The following SIDT1 variants were observed in gnomAD, a reference collection of about 807,000 sequenced individuals.
SIDT1 encodes the protein SID1 transmembrane family member 1, also known as SID1 transmembrane family, member 1.
SIDT1 carries 101 observed loss-of-function variants against 107.5 expected under a neutral mutation model. The ratio of observed to expected loss-of-function variants is 0.94; its 90% CI spans 0.80 to 1.11. The LOEUF is 1.11. SIDT1 is among the 50% of genes least tolerant of loss of function. The pLI is 0.00. For missense variants in SIDT1, 1,076 were observed against 1,058.2 expected (o/e 1.02, Z -0.23); for synonymous variants, 395 against 398.2 (o/e 0.99, Z 0.10).
chr3:113,627,676 G>A lies in SIDT1; in HGVS notation c.2452G>A (p.Val818Met). Residue 818 changes from valine to methionine, a missense_variant, in exon 25 of 25, where the codon GTG becomes ATG. Physicochemically the swap from Val to Met is conservative, Grantham distance 21. Coordinates refer to ENST00000264852, the MANE Select transcript of SIDT1 (RefSeq NM_017699.3). Reference sequence around the variant, plus strand: ...GTTAACTTTGGATGATGACCTTGATGTGGTTCGGAGAGACCAGATCCCTGT... The same window carrying A: ...GTTAACTTTGGATGATGACCTTGATATGGTTCGGAGAGACCAGATCCCTGT... ...VLLTLDDDLD[V>M]VRRDQIPVF 1.2e-6 allele frequency: 2 copies of A among 1,613,910 alleles called. No individual in the cohort carries two copies. Among genetic ancestry groups the A allele is most frequent in the Non-Finnish European group, 1.7e-6 (2 of 1,180,030 alleles).
chr3:113,563,477 G>T (rs1941621053), intron 1 of SIDT1, among the ~76,000 whole-genome samples: 1 of 152,214 alleles, frequency 6.6e-6, no homozygotes, highest in African/African-American at 2.4e-5. Flanking sequence ...TTGACGACTT[G>T]AATCTAATGA....
chr3:113,595,472 C>G (rs1304058755), intron 10 of SIDT1, among the ~76,000 whole-genome samples: 1 of 151,758 alleles, frequency 6.6e-6, no homozygotes, highest in African/African-American at 2.4e-5. Flanking sequence ...CCAGCTACTT[C>G]GGAGGCTGCT....
chr3:113,534,023 C>T (rs1937793233), intron 1 of SIDT1, among the ~76,000 whole-genome samples: 1 of 152,126 alleles, frequency 6.6e-6, no homozygotes, highest in African/African-American at 2.4e-5. Context: ...TAGTTCATTT[C>T]TTTCCTCTAG....
intron 14 of SIDT1, among the ~76,000 whole-genome samples, chr3:113,605,858 T>C (rs546528859): frequency 1.3e-5 from 2 of 151,806 alleles, no homozygotes; most frequent in African/African-American, 4.8e-5. Flanking sequence ...ACAAAAAAAT[T>C]AGCTGAGTGG....
chr3:113,590,586 T>C (rs1944075024), intron 9 of SIDT1, among the ~76,000 whole-genome samples: 2 of 152,222 alleles, frequency 1.3e-5, no homozygotes, highest in Middle Eastern at 3.2e-3. Flanking sequence ...AATATTTTCA[T>C]CATTCCAAAA....
chr3:113,543,580 A>G (rs1939203177), intron 1 of SIDT1, among the ~76,000 whole-genome samples: 1 of 152,010 alleles, frequency 6.6e-6, no homozygotes. Flanking sequence ...GGTTTTTTTT[A>G]GATGTTTTCC....
At chr3:113,634,762 C>A in the SIDT1 span, among the ~76,000 whole-genome samples, 1 of 152,172 alleles carries the variant, frequency 6.6e-6, no homozygotes, top group African/African-American at 2.4e-5. Flanking sequence ...TGAGATAGCA[C>A]CACTGCACTC....
At chr3:113,602,853 TAGAG>T (rs1945055037) in intron 11 of SIDT1, 148 bp from the exon 12 acceptor site, 2 of 683,796 alleles carry the variant, frequency 2.9e-6, no homozygotes, top group Non-Finnish European at 4.6e-6. Context: ...TGAGAAGGAA[TAGAG>T]AGAAAGAACA....
intron 17 of SIDT1, among the ~76,000 whole-genome samples, chr3:113,609,058 C>CTTTTTTTTT (rs11453487): frequency 1.3e-4 from 11 of 86,670 alleles, no homozygotes; most frequent in African/African-American, 4.7e-4. Flanking sequence ...TGAGCCCATT[C>CTTTTTTTTT]TTTTTTTTTT....
rs1383774384 is a variant in SIDT1, at chr3:113,533,181, G to C, written c.160G>C (p.Gly54Arg). The C allele has an allele frequency of 6.3e-7, 1 of 1,577,962 alleles. No homozygotes were observed. The highest frequency in any genetic ancestry group is 8.6e-7 in the Non-Finnish European group (1 of 1,163,264). ...CGCCGATTTCGATCATGTCTACAGC[G>C]GGGTGGTGAACCTCAGCACCGAGAA... ...RGADFDHVYS[G>R]VVNLSTENIY... The change falls in exon 1 of 25, where the codon GGG (glycine) becomes CGG (arginine). Residue 54 changes from glycine (G) to arginine (R), a missense_variant. Coordinates refer to ENST00000264852, the MANE Select transcript of SIDT1 (RefSeq NM_017699.3).
At chr3:113,596,382 T>C (rs549941690) in intron 10 of SIDT1, among the ~76,000 whole-genome samples, 1 of 152,244 alleles carries the variant, frequency 6.6e-6, no homozygotes, top group African/African-American at 2.4e-5. Context: ...TGAAGTGATT[T>C]AATTAAGCTG....
At chr3:113,567,813 C>A in intron 3 of SIDT1, 103 bp downstream of exon 3, 1 of 1,200,752 alleles carries the variant, frequency 8.3e-7, no homozygotes, top group Non-Finnish European at 1.2e-6. Context: ...GGAAATTATC[C>A]ACTTAGCATA....
At chr3:113,619,806 T>G in intron 21 of SIDT1, 80 bp downstream of exon 21, 1 of 1,299,760 alleles carries the variant, frequency 7.7e-7, no homozygotes, top group Non-Finnish European at 1.1e-6. Context: ...GACTGTCATT[T>G]TTACAAAGAA....
chr3:113,631,251 G>A (rs1009522718), downstream of SIDT1, among the ~76,000 whole-genome samples: 1 of 152,174 alleles, frequency 6.6e-6, no homozygotes, highest in African/African-American at 2.4e-5. Context: ...ACGTGCAAAT[G>A]TTTCCCTCCC....
At chr3:113,539,403 C>A (rs1316863559) in intron 1 of SIDT1, among the ~76,000 whole-genome samples, 1 of 152,158 alleles carries the variant, frequency 6.6e-6, no homozygotes, top group East Asian at 1.9e-4. Flanking sequence ...CTTTCCCCAA[C>A]CTGCAACCAG....
At chr3:113,629,579 T>C (rs1333785310), downstream of SIDT1, 2 of 152,258 alleles carry the variant, frequency 1.3e-5, no homozygotes, top group African/African-American at 4.8e-5. Flanking sequence ...TGTTTCACTA[T>C]GGCTAGTTTG....
In SIDT1 at chr3:113,567,600, C is replaced by T; in HGVS notation, c.405C>T (p.Thr135=). ...VSRTLCPSEA[T]NETGPLQQLI... is the part of the protein sequence containing the mutation. The stretch of plus-strand genomic sequence containing the variant: ...GCACCTTATGTCCCTCAGAAGCAAC[C>T]AATGAGACGGGACCCTTGCAGCAAC... The change falls in exon 3 of 25, where the codon ACC becomes ACT. Residue 135 remains threonine (T), a synonymous_variant. Transcript: ENST00000264852. 6.2e-7 allele frequency: 1 copy of T among 1,614,088 alleles called. No homozygotes were observed. Among genetic ancestry groups the T allele is most frequent in the Non-Finnish European group, 8.5e-7 (1 of 1,179,998 alleles).
chr3:113,542,319 A>G (rs1939005823), intron 1 of SIDT1, among the ~76,000 whole-genome samples: 1 of 152,148 alleles, frequency 6.6e-6, no homozygotes, highest in African/African-American at 2.4e-5. Context: ...AGTTTTTAGT[A>G]TTAGTTTGTT....
downstream of SIDT1, among the ~76,000 whole-genome samples, chr3:113,630,752 G>A (rs770758806): frequency 2.0e-5 from 3 of 152,144 alleles, no homozygotes; most frequent in African/African-American, 4.8e-5. Flanking sequence ...ATGATTCTAC[G>A]TGAGAATGGC....
Sources: allele counts gnomAD v4.1 joint callset (sites outside exome capture counted in the v4.1 genomes callset), GRCh38; gene constraint gnomAD v4.1.1; transcripts MANE v1.5; gene names NCBI Gene and HGNC (gene_info 2026-07-23, HGNC 2026-07-21).